Variants in CYRIA observed in about 807,000 individuals in gnomAD.
CYRIA encodes CYFIP related Rac1 interactor A.
A neutral mutation model predicts 43.9 loss-of-function variants in CYRIA; 15 were observed. The ratio of observed to expected loss-of-function variants is 0.34; its 90% CI spans 0.23 to 0.53. CYRIA has a LOEUF of 0.53. CYRIA is among the 20% of genes least tolerant of loss of function. The pLI is 0.94. For synonymous variants in CYRIA, 117 were observed against 136.0 expected (o/e 0.86, Z 0.97); for missense variants, 236 against 394.2 (o/e 0.60, Z 3.40).
intron 2 of CYRIA, among the ~76,000 whole-genome samples, chr2:16,614,214 G>C (rs538727027): frequency 6.6e-6 from 1 of 152,114 alleles, no homozygotes; most frequent in Non-Finnish European, 1.5e-5. Context: ...CTGTACCCCC[G>C]AGCCTGCTTT....
intron 1 of CYRIA, among the ~76,000 whole-genome samples, chr2:16,652,992 T>C (rs1670014557): frequency 1.3e-5 from 2 of 152,340 alleles, no homozygotes; most frequent in Non-Finnish European, 2.9e-5. Context: ...CTAGGACTCT[T>C]GGACTTAAAA....
chr2:16,600,584 G>A (rs898884832), intron 2 of CYRIA, among the ~76,000 whole-genome samples: 9 of 152,128 alleles, frequency 5.9e-5, no homozygotes, highest in African/African-American at 1.7e-4. Flanking sequence ...CTAGAAGCAC[G>A]TATCACATTC....
chr2:16,628,120 C>T (rs918983017), intron 1 of CYRIA, among the ~76,000 whole-genome samples: 1 of 152,108 alleles, frequency 6.6e-6, no homozygotes, highest in Non-Finnish European at 1.5e-5. Flanking sequence ...ACCATTTCTA[C>T]AATGAAGAGC....
At chr2:16,652,964 A>G (rs1670014198) in intron 1 of CYRIA, among the ~76,000 whole-genome samples, 1 of 152,234 alleles carries the variant, frequency 6.6e-6, no homozygotes. Context: ...ATTTAAAAAA[A>G]TCACAAATAA....
intron 1 of CYRIA, among the ~76,000 whole-genome samples, chr2:16,657,661 C>G (rs1320491899): frequency 6.6e-6 from 1 of 152,168 alleles, no homozygotes; most frequent in Non-Finnish European, 1.5e-5. Flanking sequence ...TTTGCCGACA[C>G]AGTCAGTTCT....
intron 3 of CYRIA, among the ~76,000 whole-genome samples, chr2:16,577,522 A>G (rs1667394180): frequency 6.6e-6 from 1 of 152,236 alleles, no homozygotes; most frequent in Non-Finnish European, 1.5e-5. Context: ...ATAATCCATA[A>G]GGTGACAAGA....
chr2:16,649,724 G>A (rs955069500), intron 1 of CYRIA, among the ~76,000 whole-genome samples: 3 of 151,858 alleles, frequency 2.0e-5, no homozygotes, highest in African/African-American at 4.8e-5. Flanking sequence ...ACAGTACAGG[G>A]GATGGCTATA....
At chr2:16,634,804 C>A (rs1008385036) in intron 1 of CYRIA, among the ~76,000 whole-genome samples, 8 of 152,232 alleles carry the variant, frequency 5.3e-5, no homozygotes, top group Admixed American at 1.3e-4. Context: ...CCCAACTTCA[C>A]ATTCAGTGAC....
intron 3 of CYRIA, 51 bp downstream of exon 3, chr2:16,587,999 A>G (rs754983804): frequency 7.9e-6 from 9 of 1,143,572 alleles, no homozygotes; most frequent in East Asian, 2.4e-5. Flanking sequence ...CTTATCAACA[A>G]TCTATAAGGA....
intron 1 of CYRIA, among the ~76,000 whole-genome samples, chr2:16,653,185 G>A (rs1276435548): frequency 1.3e-5 from 2 of 152,152 alleles, no homozygotes; most frequent in Admixed American, 1.3e-4. Context: ...CAGAGGGAGT[G>A]CCAGGAGGGC....
chr2:16,654,740 A>T (rs1248694995), intron 1 of CYRIA, among the ~76,000 whole-genome samples: 1 of 152,232 alleles, frequency 6.6e-6, no homozygotes. Context: ...GTATACAAAA[A>T]TACTATCCAA....
intron 2 of CYRIA, among the ~76,000 whole-genome samples, chr2:16,598,655 A>G (rs1387137276): frequency 1.2e-5 from 1 of 80,678 alleles, no homozygotes; most frequent in East Asian, 2.4e-4. Context: ...CAAAGTTTTC[A>G]ACTTCTTTGC....
intron 2 of CYRIA, among the ~76,000 whole-genome samples, chr2:16,613,996 G>A (rs1208387728): frequency 1.3e-5 from 2 of 152,064 alleles, no homozygotes; most frequent in Non-Finnish European, 2.9e-5. Flanking sequence ...CTTAAGTCAC[G>A]TTTTCCACTG....
At chr2:16,582,930 T>C (rs1226685559) in intron 3 of CYRIA, among the ~76,000 whole-genome samples, 6 of 152,182 alleles carry the variant, frequency 3.9e-5, no homozygotes, top group Non-Finnish European at 8.8e-5. Flanking sequence ...TTTTGAAGAA[T>C]TTCCAGACTG....
chr2:16,617,278 CG>C (rs1668832153), intron 2 of CYRIA, among the ~76,000 whole-genome samples: 1 of 152,194 alleles, frequency 6.6e-6, no homozygotes. Flanking sequence ...TCAGCAGTCA[CG>C]ATTCTTCATA....
intron 3 of CYRIA, among the ~76,000 whole-genome samples, chr2:16,587,719 C>G (rs1667783609): frequency 6.6e-6 from 1 of 152,032 alleles, no homozygotes; most frequent in Admixed American, 6.6e-5. Flanking sequence ...GTTCTCATGA[C>G]AGTGAATAGG....
At position 16,588,110 on chromosome 2, in the gene CYRIA, G is replaced by T; in HGVS notation, c.10C>A (p.Leu4Met). The change falls in exon 3 of 12, where the codon CTG (leucine) becomes ATG (methionine). Residue 4 changes from leucine to methionine, a missense_variant. This residue lies in a region of CYRIA where 193 missense variants were observed against 303.9 expected (regional missense o/e 0.64). Coordinates refer to ENST00000381323, the MANE Select transcript of CYRIA (RefSeq NM_030797.4). ...ATTTCCCTGGTAAGGACTTTGAGCA[G>T]GTTTCCCATCCCAGCAAACCTAGGA... is the stretch of plus-strand genomic sequence containing the variant. MGN[L>M]LKVLTREIEN... The T allele has an allele frequency of 6.2e-7, 1 of 1,605,278 alleles. No individual in the cohort carries two copies. The highest frequency in any genetic ancestry group is 8.5e-7 in the Non-Finnish European group (1 of 1,175,714).
At position 16,565,747 on chromosome 2, in the gene CYRIA, C is replaced by G; in HGVS notation, c.91G>C (p.Glu31Gln). Residue 31 changes from glutamate to glutamine, a missense_variant, in exon 4 of 12, where the codon GAG becomes CAG. Glu to Gln is a conservative substitution (Grantham distance 29). This residue lies in a region of CYRIA where 193 missense variants were observed against 303.9 expected (regional missense o/e 0.64). Transcript: ENST00000381323. Reference sequence around the variant, plus strand: ...CTGATCTGGTTCCAGATTTCTCTCTCTCCTTCTGTAGGCTGAGCATCTAAG... The same window carrying G: ...CTGATCTGGTTCCAGATTTCTCTCTGTCCTTCTGTAGGCTGAGCATCTAAG... ...DFENAQPTEG[E>Q]REIWNQISAV... 6.3e-7 allele frequency: 1 copy of G among 1,583,498 alleles called. No homozygotes were observed. The highest frequency in any genetic ancestry group is 8.6e-7 in the Non-Finnish European group (1 of 1,156,770).
Position 16,549,665 on chromosome 2 carries a change from A to G in CYRIA, c.*3271T>C, listed in dbSNP as rs1302030784. On this transcript the variant is annotated 3_prime_UTR_variant, in exon 12 of 12. Coordinates refer to ENST00000381323, the MANE Select transcript of CYRIA (RefSeq NM_030797.4). ...TTGAACTCTTTAAGACAAAATTCCA[A>G]TGTTTATTACTAACATTTAAAAAAT... The G allele has an allele frequency of 6.6e-6, 1 of 152,128 alleles. No homozygotes were observed. Among genetic ancestry groups the G allele is most frequent in the Non-Finnish European group, 1.5e-5 (1 of 68,018 alleles). 9.4% of individuals were successfully genotyped at this position (152,128 alleles called of 1,614,324 possible).
Sources: gnomAD v4.1 joint callset for allele counts (sites outside exome capture counted in the v4.1 genomes callset) on GRCh38, gnomAD v4.1.1 for gene constraint, gnomAD v4.1.1 regional missense constraint, MANE v1.5 for transcripts, NCBI Gene and HGNC (gene_info 2026-07-23, HGNC 2026-07-21) for gene names.